TECPR2: variants seen among roughly 807,000 people sequenced by gnomAD.
TECPR2 encodes tectonin beta-propeller repeat-containing protein 2.
Under a neutral mutation model 138.1 loss-of-function variants are expected in TECPR2, and 65 were observed. That is an observed-to-expected ratio of 0.47 (90% CI 0.39 to 0.58). The LOEUF (loss-of-function observed/expected upper bound fraction) is 0.58. Among genes scored for constraint, TECPR2 ranks in the 20% least tolerant of loss-of-function variants. The pLI, the probability that TECPR2 is intolerant of heterozygous loss-of-function variation, is 0.00. For missense variants in TECPR2, 1,553 were observed against 1,824.5 expected (o/e 0.85, Z 2.71); for synonymous variants, 746 against 749.8 (o/e 0.99, Z 0.08).
At chr14:102,370,675 A>G (rs72698590) in intron 1 of TECPR2, among the ~76,000 whole-genome samples, 1 of 152,322 alleles carries the variant, frequency 6.6e-6, no homozygotes, top group Non-Finnish European at 1.5e-5. Context: ...ACCACTGCAG[A>G]GTGTTAAGCA....
At chr14:102,469,736 C>G (rs1890619638) in intron 17 of TECPR2, among the ~76,000 whole-genome samples, 1 of 151,988 alleles carries the variant, frequency 6.6e-6, no homozygotes, top group Non-Finnish European at 1.5e-5. Flanking sequence ...TTGAACTTCC[C>G]TTCTACTCCT....
chr14:102,431,618 A>G (rs1889491898), intron 7 of TECPR2, among the ~76,000 whole-genome samples, 178 bp from the exon 8 acceptor site: 1 of 152,222 alleles, frequency 6.6e-6, no homozygotes, highest in African/African-American at 2.4e-5. Context: ...CTGGGATTAC[A>G]GGCGTGAGTC....
rs556440783 is a variant in TECPR2 at position 102,443,120 on chromosome 14, A to G, written c.2753-527A>G. On this transcript the variant is annotated intron_variant, in intron 11 of 19. Transcript: ENST00000359520. The surrounding 1 kb of genome is among the most constrained non-coding windows in gnomAD (Gnocchi z 4.9). Reference sequence around the variant, plus strand: ...GACTGCAGGCCTCAGGTCCCTGCCAACTCCAGCAGCGCTGCAGCCCTCTGC... The same window carrying G: ...GACTGCAGGCCTCAGGTCCCTGCCAGCTCCAGCAGCGCTGCAGCCCTCTGC... Among the ~76,000 whole-genome samples, 2 of 152,294 alleles carry G rather than the reference A, an allele frequency of 1.3e-5. No homozygotes were observed. The highest frequency in any genetic ancestry group is 4.8e-5 in the African/African-American group (2 of 41,576).
At chr14:102,424,426 C>A (rs566620560) in intron 5 of TECPR2, among the ~76,000 whole-genome samples, 1 of 152,260 alleles carries the variant, frequency 6.6e-6, no homozygotes, top group African/African-American at 2.4e-5. Context: ...ACTCTGCCTC[C>A]CAGGTTCAAG....
At chr14:102,476,525 G>GA (rs1246264552) in intron 17 of TECPR2, among the ~76,000 whole-genome samples, 10 of 152,142 alleles carry the variant, frequency 6.6e-5, no homozygotes, top group African/African-American at 2.2e-4. Flanking sequence ...ACACAGCAGT[G>GA]AAAAACCATC....
chr14:102,407,581 A>G, intron 3 of TECPR2, 115 bp downstream of exon 3: 14 of 1,354,116 alleles, frequency 1.0e-5, no homozygotes, highest in Non-Finnish European at 1.4e-5. Flanking sequence ...GCCGGGCACG[A>G]CTTTCTCTGC....
Position 102,498,411 on chromosome 14 carries a change from C to G in TECPR2, c.*154C>G, listed in dbSNP as rs142249090. 9.3e-4 allele frequency: 954 copies of G among 1,020,748 alleles called. 11 individuals carry two copies. In the East Asian group the frequency reaches 0.021, roughly 22 times the overall value. The allele number at this position is 1,020,748 out of a possible 1,614,324, so 63.2% of individuals were successfully genotyped here. A position where few individuals can be genotyped will look rare whatever the true frequency, so the allele number is the denominator to read the frequency against. On this transcript the variant is annotated 3_prime_UTR_variant, in exon 20 of 20. Coordinates refer to ENST00000359520, the MANE Select transcript of TECPR2 (RefSeq NM_014844.5). ...CACTTACTTTCATCTATGTTGGTTT[C>G]TGTCTCGTTCCAGAACCCACAGCCT...
At chr14:102,429,765 A>G in intron 7 of TECPR2, among the ~76,000 whole-genome samples, 1 of 152,122 alleles carries the variant, frequency 6.6e-6, no homozygotes, top group Non-Finnish European at 1.5e-5. Context: ...AAGGGTTAGA[A>G]TGGCTTTCAG....
Position 102,415,437 on chromosome 14 carries a change from G to A in TECPR2, c.638+644G>A, listed in dbSNP as rs964131766. ...ACCAGTGATGTGGAGGAAGGGCATC[G>A]AGAAGTCCACCAGCCATACCAGCCG... On this transcript the variant is annotated intron_variant, in intron 5 of 19. Coordinates refer to ENST00000359520, the MANE Select transcript of TECPR2 (RefSeq NM_014844.5). This position sits in a 1 kb window ranked among gnomAD's most constrained non-coding sequence, Gnocchi z 4.3. 5.3e-5 allele frequency among the ~76,000 whole-genome samples: 8 copies of A among 152,144 alleles called. No homozygotes were observed. Among genetic ancestry groups the A allele is most frequent in the Non-Finnish European group, 8.8e-5 (6 of 68,034 alleles).
At chr14:102,385,775 A>G (rs1887980330) in intron 2 of TECPR2, among the ~76,000 whole-genome samples, 1 of 152,002 alleles carries the variant, frequency 6.6e-6, no homozygotes, top group African/African-American at 2.4e-5. Context: ...TCTCTACGAA[A>G]GAATACAAAA....
intron 16 of TECPR2, among the ~76,000 whole-genome samples, chr14:102,454,060 C>T (rs1567349458): frequency 6.6e-6 from 1 of 151,208 alleles, no homozygotes; most frequent in African/African-American, 2.4e-5. Flanking sequence ...GGCTGAGGCA[C>T]GAGAATCACT....
chr14:102,495,566 C>T lies in TECPR2; in HGVS notation c.3790-1413C>T, dbSNP rs79900722. 8.4e-3 allele frequency among the ~76,000 whole-genome samples: 1,271 copies of T among 152,144 alleles called. 19 individuals are homozygous for T. Among genetic ancestry groups the T allele is most frequent in the African/African-American group, 0.029 (1,196 of 41,470 alleles). The stretch of plus-strand genomic sequence containing the variant: ...GCAAAGCAGGGCTGGGTGGGGAGGC[C>T]GGGCGGCTGGGGAAGAAACCTGCCA... On this transcript the variant is annotated intron_variant, in intron 17 of 19. Transcript: ENST00000359520.
chr14:102,472,918 G>C (rs561658280), intron 17 of TECPR2, among the ~76,000 whole-genome samples: 1 of 152,242 alleles, frequency 6.6e-6, no homozygotes, highest in Non-Finnish European at 1.5e-5. Context: ...TGGCACTGAC[G>C]ATTGTTTGCT....
intron 2 of TECPR2, among the ~76,000 whole-genome samples, chr14:102,406,745 T>C (rs1422163249): frequency 6.6e-6 from 1 of 152,164 alleles, no homozygotes; most frequent in Non-Finnish European, 1.5e-5. Flanking sequence ...TCCCAGCTAC[T>C]TGGGAGGCTG....
chr14:102,407,286 A>G lies in TECPR2; in HGVS notation c.220-52A>G, dbSNP rs1888683559. The G allele has an allele frequency of 3.9e-6, 6 of 1,533,154 alleles. No homozygotes were observed. In the Admixed American group the frequency reaches 6.4e-5, roughly 16 times the overall value. 95.0% of individuals were successfully genotyped at this position (1,533,154 alleles called of 1,614,324 possible). A position where few individuals can be genotyped will look rare whatever the true frequency, so the allele number is the denominator to read the frequency against. ...TTTAGTAATGTCCTCCTTGTTTTAC[A>G]TTTTCAAAGCCTGCATAGTTACAGA... On this transcript the variant is annotated intron_variant, in intron 2 of 19. Coordinates refer to ENST00000359520, the MANE Select transcript of TECPR2 (RefSeq NM_014844.5).
chr14:102,468,890 A>G (rs1890606187), intron 17 of TECPR2, among the ~76,000 whole-genome samples: 1 of 152,178 alleles, frequency 6.6e-6, no homozygotes, highest in African/African-American at 2.4e-5. Flanking sequence ...AATTATTTCA[A>G]CACCCTTGTC....
At chr14:102,400,761 C>T (rs576545550) in intron 2 of TECPR2, among the ~76,000 whole-genome samples, 2 of 152,226 alleles carry the variant, frequency 1.3e-5, no homozygotes, top group South Asian at 2.1e-4. Flanking sequence ...AAGCCAGGCG[C>T]GGTGGCTCAC....
intron 16 of TECPR2, among the ~76,000 whole-genome samples, chr14:102,460,604 ACT>A (rs894804380): frequency 1.4e-5 from 2 of 147,112 alleles, no homozygotes; most frequent in African/African-American, 4.9e-5. Flanking sequence ...ACAGAGCAAG[ACT>A]CTGTCTCAAA....
chr14:102,428,222 G>GTTTTTTTTTTTTTTTTT lies in TECPR2; in HGVS notation c.952-22_952-6dup, dbSNP rs565236204. The GTTTTTTTTTTTTTTTTT allele has an allele frequency of 7.6e-5, 80 of 1,058,634 alleles. 5 individuals are homozygous for GTTTTTTTTTTTTTTTTT. Among genetic ancestry groups the GTTTTTTTTTTTTTTTTT allele is most frequent in the South Asian group, 3.3e-4 (17 of 51,646 alleles). The allele number at this position is 1,058,634 out of a possible 1,614,324, so 65.6% of individuals were successfully genotyped here. A position where few individuals can be genotyped will look rare whatever the true frequency, so the allele number is the denominator to read the frequency against. On this transcript the variant is annotated intron_variant, in intron 6 of 19. Coordinates refer to ENST00000359520, the MANE Select transcript of TECPR2 (RefSeq NM_014844.5). ...ACCGTTGTTTAGTTTTGTGTTTTTT[G>GTTTTTTTTTTTTTTTTT]TTTTTTTTTTTTTTTTTTTTTTGAC...
Sources: allele counts gnomAD v4.1 joint callset (sites outside exome capture counted in the v4.1 genomes callset), GRCh38; gene constraint gnomAD v4.1.1; non-coding constraint Gnocchi (gnomAD v3.1); transcripts MANE v1.5; gene names NCBI Gene and HGNC (gene_info 2026-07-23, HGNC 2026-07-21).